TBC1D22A: variants seen among roughly 807,000 people sequenced by gnomAD.
TBC1D22A encodes the protein TBC1 domain family member 22A.
TBC1D22A carries 38 observed loss-of-function variants against 60.2 expected under a neutral mutation model. The ratio of observed to expected loss-of-function variants is 0.63; its 90% CI spans 0.49 to 0.83. The LOEUF (loss-of-function observed/expected upper bound fraction) is 0.83, where lower values mean the gene tolerates loss of function less well. TBC1D22A is among the 40% of genes least tolerant of loss of function. TBC1D22A has a pLI of 0.00. For missense variants in TBC1D22A, 628 were observed against 701.0 expected, an observed-to-expected ratio of 0.90 and a Z score of 1.18; for synonymous variants, 302 against 281.7, an observed-to-expected ratio of 1.07 and a Z score of -0.72.
intron 4 of TBC1D22A, among the ~76,000 whole-genome samples, chr22:46,802,807 G>A (rs1161100157): frequency 1.3e-5 from 2 of 151,828 alleles, no homozygotes; most frequent in African/African-American, 4.8e-5. Flanking sequence ...TCAGAGTAGG[G>A]TGGGAGACTA....
chr22:47,157,278 G>A (rs1038638533), intron 12 of TBC1D22A, among the ~76,000 whole-genome samples: 1 of 152,252 alleles, frequency 6.6e-6, no homozygotes, highest in African/African-American at 2.4e-5. Flanking sequence ...GGCATGTGAA[G>A]CCCTGTGGGA....
At chr22:47,084,453 C>G (rs562758535) in intron 11 of TBC1D22A, among the ~76,000 whole-genome samples, 1 of 152,120 alleles carries the variant, frequency 6.6e-6, no homozygotes, top group Non-Finnish European at 1.5e-5. Flanking sequence ...GAGTGATCTG[C>G]GGGGTCAGAG....
At chr22:47,065,466 G>A (rs950838130) in intron 11 of TBC1D22A, among the ~76,000 whole-genome samples, 7 of 152,214 alleles carry the variant, frequency 4.6e-5, no homozygotes, top group African/African-American at 1.4e-4. Context: ...CGACCCTCCT[G>A]CCAGCCTCCC....
At chr22:46,907,314 C>G (rs2069559972) in intron 7 of TBC1D22A, among the ~76,000 whole-genome samples, 1 of 152,156 alleles carries the variant, frequency 6.6e-6, no homozygotes, top group Non-Finnish European at 1.5e-5. Context: ...TTACTTCTGC[C>G]CCTTCCTCTC....
chr22:47,141,406 C>T lies in TBC1D22A; in HGVS notation c.1425+29803C>T, dbSNP rs143244340. ...TTCCCATCGGTAGTCCTGAGAGTTG[C>T]CACCTTGCTTTTTGCCTTCCCCTTA... is the stretch of plus-strand genomic sequence containing the variant. On this transcript the variant is annotated intron_variant, in intron 12 of 12. Coordinates refer to ENST00000337137, the MANE Select transcript of TBC1D22A (RefSeq NM_014346.5). Among the ~76,000 whole-genome samples, 636 of 152,308 alleles carry T rather than the reference C, an allele frequency of 4.2e-3. 5 individuals carry two copies. The highest frequency in any genetic ancestry group is 0.012 in the African/African-American group (496 of 41,570).
At chr22:46,912,269 A>G (rs1444941712) in intron 8 of TBC1D22A, 81 bp downstream of exon 8, 3 of 1,011,674 alleles carry the variant, frequency 3.0e-6, no homozygotes, top group Non-Finnish European at 4.5e-6. Context: ...CAATATTGAA[A>G]ATTGCTACTA....
intron 9 of TBC1D22A, among the ~76,000 whole-genome samples, chr22:46,988,961 C>T (rs1194276553): frequency 6.6e-6 from 1 of 152,208 alleles, no homozygotes; most frequent in Admixed American, 6.5e-5. Flanking sequence ...GAGTAGCCAC[C>T]TTCGTCAGTT....
chr22:46,947,600 C>T (rs1033954089), intron 8 of TBC1D22A, among the ~76,000 whole-genome samples: 8 of 152,150 alleles, frequency 5.3e-5, no homozygotes, highest in African/African-American at 9.7e-5. Context: ...CTGCTGCTCC[C>T]GCTTGTCTGT....
chr22:46,833,624 A>T (rs914998540), intron 4 of TBC1D22A, among the ~76,000 whole-genome samples: 1 of 152,254 alleles, frequency 6.6e-6, no homozygotes, highest in East Asian at 1.9e-4. Context: ...AGGGAGGAAC[A>T]CATCTGGCTG....
intron 10 of TBC1D22A, among the ~76,000 whole-genome samples, chr22:47,001,414 C>T (rs149276042): frequency 0.017 from 2,512 of 145,668 alleles, 61 homozygotes; most frequent in African/African-American, 0.052. Context: ...ATTGTACTCC[C>T]GCCCGGGCAA....
At chr22:47,091,157 C>G (rs4293650) in intron 11 of TBC1D22A, among the ~76,000 whole-genome samples, 5,491 of 123,024 alleles carry the variant, frequency 0.045, 100 homozygotes, top group Admixed American at 0.1. Flanking sequence ...TTGATAGAGA[C>G]GGGCACGAGA....
intron 9 of TBC1D22A, among the ~76,000 whole-genome samples, chr22:46,997,421 TC>T (rs2075156527): frequency 6.6e-6 from 1 of 152,230 alleles, no homozygotes; most frequent in Non-Finnish European, 1.5e-5. Context: ...TCACCTGACA[TC>T]GGGAAATACT....
chr22:47,156,437 C>T lies in TBC1D22A; in HGVS notation c.1426-17061C>T, dbSNP rs531891736. Among the ~76,000 whole-genome samples the T allele has an allele frequency of 2.0e-5, 3 of 152,278 alleles. No homozygotes were observed. In the East Asian group the frequency reaches 5.8e-4, roughly 29 times the overall value. ...CCCTGCCACGGGCCGGCTGCTTGACCCTGAGCTGTCGCTAGGCTTCTTGAG... is the reference window on the plus strand; with the variant it reads ...CCCTGCCACGGGCCGGCTGCTTGACTCTGAGCTGTCGCTAGGCTTCTTGAG... On this transcript the variant is annotated intron_variant, in intron 12 of 12. Coordinates refer to ENST00000337137, the MANE Select transcript of TBC1D22A (RefSeq NM_014346.5).
At chr22:46,963,933 G>T (rs2073672344) in intron 8 of TBC1D22A, among the ~76,000 whole-genome samples, 1 of 152,250 alleles carries the variant, frequency 6.6e-6, no homozygotes. Context: ...CCTTCTATGT[G>T]CTCTGATCTT....
chr22:47,014,944 A>G (rs2061861204), intron 10 of TBC1D22A, among the ~76,000 whole-genome samples: 1 of 152,154 alleles, frequency 6.6e-6, no homozygotes. Context: ...TGGGTGACTG[A>G]GGGCCCCAAG....
chr22:46,908,306 C>T (rs562461484), intron 7 of TBC1D22A, among the ~76,000 whole-genome samples: 90 of 152,184 alleles, frequency 5.9e-4, no homozygotes, highest in African/African-American at 2.0e-3. Context: ...GTGTGGGGTC[C>T]GCAGGTCTCC....
chr22:46,986,579 G>T (rs1255460020), intron 9 of TBC1D22A, among the ~76,000 whole-genome samples: 1 of 152,114 alleles, frequency 6.6e-6, no homozygotes, highest in African/African-American at 2.4e-5. Context: ...TTTTGGTATA[G>T]GGTTTTGCTC....
intron 11 of TBC1D22A, among the ~76,000 whole-genome samples, chr22:47,062,087 C>CACAAA (rs2063598078): frequency 1.6e-5 from 1 of 62,998 alleles, no homozygotes. Context: ...GACTCCATCT[C>CACAAA]AAAAAAAAAA....
chr22:46,876,876 C>T (rs1360084915), intron 4 of TBC1D22A, among the ~76,000 whole-genome samples: 1 of 152,244 alleles, frequency 6.6e-6, no homozygotes, highest in African/African-American at 2.4e-5. Flanking sequence ...TACCAAACAC[C>T]TATGAGGATG....
Sources: allele counts gnomAD v4.1 joint callset (sites outside exome capture counted in the v4.1 genomes callset), GRCh38; gene constraint gnomAD v4.1.1; transcripts MANE v1.5; gene names NCBI Gene and HGNC (gene_info 2026-07-23, HGNC 2026-07-21).